The following CAMK2B variants were observed in gnomAD, a reference collection of about 807,000 sequenced individuals.
CAMK2B encodes the protein calcium/calmodulin dependent protein kinase II beta.
CAMK2B carries 27 observed loss-of-function variants against 93.7 expected under a neutral mutation model. That is an observed-to-expected ratio of 0.29 (90% CI 0.21 to 0.40). The LOEUF (loss-of-function observed/expected upper bound fraction) is 0.40. CAMK2B is among the 10% of genes least tolerant of loss of function. CAMK2B has a pLI of 1.00. For missense variants in CAMK2B, 568 were observed against 895.8 expected, an observed-to-expected ratio of 0.63 and a Z score of 4.67; for synonymous variants, 374 against 358.8, an observed-to-expected ratio of 1.04 and a Z score of -0.48.
chr7:44,239,778 A>T (rs1325767860), intron 12 of CAMK2B, 115 bp from the exon 13 acceptor site: 16 of 730,852 alleles, frequency 2.2e-5, no homozygotes, highest in Non-Finnish European at 3.8e-5. Flanking sequence ...TTAGAGTTAA[A>T]GTTTAGGTGA....
rs898930029 is a variant in CAMK2B at position 44,286,381 on chromosome 7, T to A, written c.66-2156A>T. On this transcript the variant is annotated intron_variant, in intron 1 of 23. Coordinates refer to ENST00000395749, the MANE Select transcript of CAMK2B (RefSeq NM_001220.5). The surrounding 1 kb of genome is among the most constrained non-coding windows in gnomAD (Gnocchi z 4.0). ...CAGAACGCAACCACACACTGCAGGG[T>A]TGACCCTCAGTAGGAAGTTCAACAG... Among the ~76,000 whole-genome samples, 6 of 151,292 alleles carry A rather than the reference T, an allele frequency of 4.0e-5. No individual in the cohort carries two copies. Among genetic ancestry groups the A allele is most frequent in the Non-Finnish European group, 5.9e-5 (4 of 67,850 alleles).
intron 15 of CAMK2B, among the ~76,000 whole-genome samples, chr7:44,233,958 C>G (rs2096602433): frequency 1.3e-5 from 2 of 152,354 alleles, no homozygotes; most frequent in African/African-American, 4.8e-5. Context: ...CCTGGCCCAG[C>G]CCCACCAAGC....
intron 20 of CAMK2B, among the ~76,000 whole-genome samples, chr7:44,223,716 T>C (rs1016696056): frequency 1.3e-5 from 2 of 152,102 alleles, no homozygotes; most frequent in Non-Finnish European, 2.9e-5. Flanking sequence ...GCTTCAGGTC[T>C]GACCTCTCTT....
At chr7:44,222,890 T>C (rs2096429241) in intron 20 of CAMK2B, among the ~76,000 whole-genome samples, 1 of 152,170 alleles carries the variant, frequency 6.6e-6, no homozygotes, top group African/African-American at 2.4e-5. Context: ...TGCTCATGCA[T>C]GTGTGTGGGG....
intron 1 of CAMK2B, among the ~76,000 whole-genome samples, chr7:44,322,116 C>T (rs1053740799): frequency 6.6e-6 from 1 of 152,192 alleles, no homozygotes; most frequent in Non-Finnish European, 1.5e-5. Context: ...GATGGGGGCA[C>T]GCAGGACAGT....
At chr7:44,320,050 G>A (rs574615908) in intron 1 of CAMK2B, among the ~76,000 whole-genome samples, 180 of 152,166 alleles carry the variant, frequency 1.2e-3, no homozygotes, top group African/African-American at 4.0e-3. Context: ...CACATTTTAC[G>A]GCACGTACTT....
intron 2 of CAMK2B, among the ~76,000 whole-genome samples, chr7:44,277,171 G>A (rs1453488121): frequency 2.0e-5 from 3 of 152,192 alleles, no homozygotes; most frequent in East Asian, 1.9e-4. Context: ...GGGCAAGCGG[G>A]CGGGGGGTTG....
chr7:44,263,350 G>C (rs1020823307), intron 2 of CAMK2B, among the ~76,000 whole-genome samples: 1 of 152,232 alleles, frequency 6.6e-6, no homozygotes, highest in African/African-American at 2.4e-5. Context: ...TAAGTCAGCG[G>C]TGCACTGATT....
intron 1 of CAMK2B, among the ~76,000 whole-genome samples, chr7:44,318,025 GTGTGGT>G (rs1584945639): frequency 6.6e-6 from 1 of 152,306 alleles, no homozygotes; most frequent in East Asian, 1.9e-4. Context: ...GGCTTCCCAT[GTGTGGT>G]TGGGGTTGAG....
chr7:44,314,248 A>T (rs1249326957), intron 1 of CAMK2B, among the ~76,000 whole-genome samples: 1 of 152,174 alleles, frequency 6.6e-6, no homozygotes, highest in African/African-American at 2.4e-5. Flanking sequence ...CATTTTCATC[A>T]CTTCAGAACC....
At chr7:44,240,963 C>G (rs73095923) in intron 11 of CAMK2B, among the ~76,000 whole-genome samples, 8,797 of 152,262 alleles carry the variant, frequency 0.058, 319 homozygotes, top group East Asian at 0.12. Context: ...CACCCTGGGC[C>G]TAAACCTGTT....
chr7:44,267,401 T>A (rs2096930006), intron 2 of CAMK2B, among the ~76,000 whole-genome samples: 1 of 152,278 alleles, frequency 6.6e-6, no homozygotes, highest in Non-Finnish European at 1.5e-5. Flanking sequence ...AGTAGGAGTT[T>A]GCCTACTCAT....
In CAMK2B at chr7:44,225,541, G is replaced by T. The variant is rs2096464946; in HGVS notation, c.1597+975C>A. ...TCCTCAGCCGACCACAGAAGCTCTGGGGGTGAGTACCCCTCCAGGGGCTGC... is the reference window on the plus strand; with the variant it reads ...TCCTCAGCCGACCACAGAAGCTCTGTGGGTGAGTACCCCTCCAGGGGCTGC... On this transcript the variant is annotated intron_variant, in intron 20 of 23. Coordinates refer to ENST00000395749, the MANE Select transcript of CAMK2B (RefSeq NM_001220.5). This position sits in a 1 kb window ranked among gnomAD's most constrained non-coding sequence, Gnocchi z 5.0. 1.3e-5 allele frequency among the ~76,000 whole-genome samples: 2 copies of T among 152,104 alleles called. No homozygotes were observed. The highest frequency in any genetic ancestry group is 4.1e-4 in the South Asian group (2 of 4,828).
chr7:44,321,131 C>A (rs986616499), intron 1 of CAMK2B, among the ~76,000 whole-genome samples: 3 of 152,194 alleles, frequency 2.0e-5, no homozygotes, highest in African/African-American at 7.2e-5. Flanking sequence ...ATACGATGAT[C>A]CCTCCTCCTC....
chr7:44,263,209 G>T (rs934415129), intron 2 of CAMK2B, 145 bp from the exon 3 acceptor site: 8 of 688,260 alleles, frequency 1.2e-5, no homozygotes, highest in Non-Finnish European at 1.9e-5. Flanking sequence ...AACACCCTTC[G>T]TGGCACCCCC....
chr7:44,266,004 C>T (rs181822039), intron 2 of CAMK2B, among the ~76,000 whole-genome samples: 29 of 152,264 alleles, frequency 1.9e-4, no homozygotes, highest in African/African-American at 6.5e-4. Context: ...TCCCCTCCCC[C>T]AGTTTTGACA....
In CAMK2B at chr7:44,280,509, C is replaced by T. The variant is rs140826431; in HGVS notation, c.160+3622G>A. Among the ~76,000 whole-genome samples, 45 of 152,298 alleles carry T rather than the reference C, an allele frequency of 3.0e-4. No individual in the cohort carries two copies. The East Asian group carries it at 5.6e-3, about 19-fold the overall frequency. On this transcript the variant is annotated intron_variant, in intron 2 of 23. Coordinates refer to ENST00000395749, the MANE Select transcript of CAMK2B (RefSeq NM_001220.5). Reference sequence around the variant, plus strand: ...GGGTGGGGGTGGCTGCTGACCTTCACGGACAGATGGAAAAGCAGGAGGGAG... The same window carrying T: ...GGGTGGGGGTGGCTGCTGACCTTCATGGACAGATGGAAAAGCAGGAGGGAG...
chr7:44,290,282 C>G (rs141510236), intron 1 of CAMK2B, among the ~76,000 whole-genome samples: 2 of 152,326 alleles, frequency 1.3e-5, no homozygotes, highest in East Asian at 3.9e-4. Context: ...TCGAAATTTC[C>G]CATCCAGTTT....
At chr7:44,293,593 G>C (rs1025470972) in intron 1 of CAMK2B, among the ~76,000 whole-genome samples, 1 of 152,192 alleles carries the variant, frequency 6.6e-6, no homozygotes, top group East Asian at 1.9e-4. Flanking sequence ...AAAATAGTTT[G>C]AACAGAATGA....
Sources: gnomAD v4.1 joint callset for allele counts (sites outside exome capture counted in the v4.1 genomes callset) on GRCh38, gnomAD v4.1.1 for gene constraint, Gnocchi (gnomAD v3.1) non-coding constraint, MANE v1.5 for transcripts, NCBI Gene and HGNC (gene_info 2026-07-23, HGNC 2026-07-21) for gene names.